AFF2: variants seen among roughly 807,000 people sequenced by gnomAD.
The protein encoded by AFF2 is ALF transcription elongation factor 2, also known as AF4/FMR2 family member 2.
A neutral mutation model predicts 76.9 loss-of-function variants in AFF2; 14 were observed. That is an observed-to-expected ratio of 0.18 (90% CI 0.12 to 0.28). AFF2 has a LOEUF of 0.28. Among genes scored for constraint, AFF2 ranks in the 10% least tolerant of loss-of-function variants. The pLI is 1.00. For synonymous variants in AFF2, 398 were observed against 366.7 expected, an observed-to-expected ratio of 1.09 and a Z score of -0.98; for missense variants, 868 against 1,001.1, an observed-to-expected ratio of 0.87 and a Z score of 1.79.
At chrX:148,785,935 G>C (rs1294163123) in intron 3 of AFF2, among the ~76,000 whole-genome samples, 4 of 111,623 alleles carry the variant, frequency 3.6e-5, no homozygotes, top group Non-Finnish European at 7.5e-5. Flanking sequence ...TGTTGGACAA[G>C]GAACAGAATT....
chrX:148,741,302 G>A (rs2055347894), intron 3 of AFF2, among the ~76,000 whole-genome samples: 1 of 110,781 alleles, frequency 9.0e-6, no homozygotes, highest in Non-Finnish European at 1.9e-5. Context: ...TCCTTGGGTG[G>A]GTCTTCCTGT....
At chrX:148,558,081 C>T in intron 1 of AFF2, among the ~76,000 whole-genome samples, 3 of 111,974 alleles carry the variant, frequency 2.7e-5, no homozygotes. Context: ...ATTACTGCTT[C>T]CCAGCATTCT....
intron 3 of AFF2, among the ~76,000 whole-genome samples, chrX:148,800,562 T>C (rs2070043724): frequency 8.9e-6 from 1 of 112,040 alleles, no homozygotes. Flanking sequence ...GTAAGTCCTT[T>C]TTTTTCTAAA....
intron 1 of AFF2, among the ~76,000 whole-genome samples, chrX:148,604,019 G>C (rs782808679): frequency 9.1e-6 from 1 of 110,462 alleles, no homozygotes; most frequent in Non-Finnish European, 1.9e-5. Context: ...TGGGTTTTTT[G>C]GTACATCTCT....
chrX:148,753,804 T>C (rs1410167454), intron 3 of AFF2, among the ~76,000 whole-genome samples: 1 of 111,627 alleles, frequency 9.0e-6, no homozygotes, highest in African/African-American at 3.3e-5. Flanking sequence ...AAATAGGCCA[T>C]GGAGTCTGTG....
intron 9 of AFF2, among the ~76,000 whole-genome samples, chrX:148,916,481 A>G (rs1429812665): frequency 4.5e-5 from 5 of 110,303 alleles, no homozygotes; most frequent in Non-Finnish European, 1.9e-5. Flanking sequence ...AAGTGCTGGG[A>G]TTACAGGCTT....
At chrX:148,860,728 T>C (rs950743771) in intron 7 of AFF2, among the ~76,000 whole-genome samples, 2 of 112,114 alleles carry the variant, frequency 1.8e-5, no homozygotes, top group Non-Finnish European at 3.8e-5. Context: ...TACAGCAATA[T>C]GTAAATTGAC....
At chrX:148,531,143 A>G (rs1057289221) in intron 1 of AFF2, among the ~76,000 whole-genome samples, 42 of 112,295 alleles carry the variant, frequency 3.7e-4, no homozygotes, top group African/African-American at 1.3e-3. Context: ...ATTCAAATGC[A>G]TCTTGGGATG....
intron 9 of AFF2, among the ~76,000 whole-genome samples, chrX:148,936,287 T>C (rs1477540868): frequency 2.7e-5 from 3 of 112,391 alleles, no homozygotes; most frequent in Non-Finnish European, 5.6e-5. Flanking sequence ...ATTTAATATC[T>C]GACATGCAGG....
chrX:148,504,635 G>A (rs1027038328), intron 1 of AFF2, among the ~76,000 whole-genome samples: 1 of 113,217 alleles, frequency 8.8e-6, no homozygotes, highest in East Asian at 2.8e-4. Flanking sequence ...CCATGTGCCG[G>A]CCAGGCCTCT....
chrX:148,598,394 T>TA (rs1429639247), intron 1 of AFF2, among the ~76,000 whole-genome samples: 28 of 110,499 alleles, frequency 2.5e-4, no homozygotes, highest in Non-Finnish European at 4.0e-4. Flanking sequence ...CATAAATGAA[T>TA]AAAAAAAATA....
chrX:148,715,250 A>G (rs1483932286), intron 3 of AFF2, among the ~76,000 whole-genome samples: 1 of 111,733 alleles, frequency 8.9e-6, no homozygotes, highest in Non-Finnish European at 1.9e-5. Flanking sequence ...ATAAAAATGT[A>G]GGCATGTTCC....
chrX:148,614,734 C>T (rs5980547), intron 1 of AFF2, among the ~76,000 whole-genome samples: 6,325 of 39,132 alleles, frequency 0.16, 366 homozygotes, highest in Non-Finnish European at 0.2. Context: ...TCTTTCTTTC[C>T]TTCTTTTCTT....
At chrX:148,865,281 G>A (rs1557276763) in intron 7 of AFF2, among the ~76,000 whole-genome samples, 2 of 112,421 alleles carry the variant, frequency 1.8e-5, no homozygotes, top group African/African-American at 6.5e-5. Context: ...GGCTTTCCTA[G>A]TCTGTGGTGA....
rs782176384 is a variant in AFF2 at position 148,867,399 on chromosome X, G to A, written c.1263-18490G>A. Among the ~76,000 whole-genome samples the A allele has an allele frequency of 2.7e-5, 3 of 112,173 alleles. No individual in the cohort carries two copies. In the South Asian group the frequency reaches 1.1e-3, roughly 42 times the overall value. On this transcript the variant is annotated intron_variant, in intron 7 of 20. Transcript: ENST00000370460. The stretch of plus-strand genomic sequence containing the variant: ...GTCTGGTAAAAGAGATGAGGGAAGG[G>A]CCATGCTACCAGCCTTCACTACAGG...
intron 1 of AFF2, among the ~76,000 whole-genome samples, chrX:148,578,735 T>A (rs1247120218): frequency 5.4e-5 from 6 of 112,058 alleles, no homozygotes; most frequent in African/African-American, 1.9e-4. Flanking sequence ...TGGAGACATA[T>A]CTGTCATGTA....
intron 2 of AFF2, among the ~76,000 whole-genome samples, chrX:148,655,993 A>C (rs1045272508): frequency 3.6e-5 from 4 of 112,223 alleles, no homozygotes; most frequent in African/African-American, 1.3e-4. Context: ...AACAAGGTCC[A>C]GTCACCTGTC....
rs2054750612 is a variant in AFF2, at chrX:148,698,739, A to T, written c.1041+35971A>T. Among the ~76,000 whole-genome samples the T allele has an allele frequency of 2.7e-5, 3 of 110,443 alleles. No individual in the cohort carries two copies. In the South Asian group the frequency reaches 1.2e-3, roughly 43 times the overall value. On this transcript the variant is annotated intron_variant, in intron 3 of 20. Transcript: ENST00000370460. ...GTTTACAGATGTGTTTCCCCTCTTA[A>T]GATATAAATAAAACAAAATGTGCAG...
intron 3 of AFF2, among the ~76,000 whole-genome samples, chrX:148,750,699 T>G (rs1357489046): frequency 4.5e-5 from 5 of 111,797 alleles, no homozygotes; most frequent in African/African-American, 1.6e-4. Flanking sequence ...ATAATAATAG[T>G]TTTTCATAGT....
Sources: gnomAD v4.1 joint callset for allele counts (sites outside exome capture counted in the v4.1 genomes callset) on GRCh38, gnomAD v4.1.1 for gene constraint, MANE v1.5 for transcripts, NCBI Gene and HGNC (gene_info 2026-07-23, HGNC 2026-07-21) for gene names.